The following MYH10 variants were observed in gnomAD, a reference collection of about 807,000 sequenced individuals.
MYH10 encodes myosin-10.
Under a neutral mutation model 257.8 loss-of-function variants are expected in MYH10, and 55 were observed. The ratio of observed to expected loss-of-function variants is 0.21; its 90% CI spans 0.17 to 0.27. MYH10 has a LOEUF of 0.27. MYH10 is among the 10% of genes least tolerant of loss of function. The pLI is 1.00. For missense variants in MYH10, 1,631 were observed against 2,500.6 expected (o/e 0.65, Z 7.42); for synonymous variants, 854 against 921.7 (o/e 0.93, Z 1.33).
chr17:8,512,369 T>A, intron 24 of MYH10, 82 bp downstream of exon 24: 5 of 1,162,986 alleles, frequency 4.3e-6, no homozygotes, highest in Non-Finnish European at 6.1e-6. Context: ...GACTTAAGAA[T>A]CCAAACACAT....
At chr17:8,606,259 T>G (rs765128268) in intron 2 of MYH10, among the ~76,000 whole-genome samples, 2 of 152,176 alleles carry the variant, frequency 1.3e-5, no homozygotes, top group Non-Finnish European at 2.9e-5. Flanking sequence ...GTAGACAGAA[T>G]GATTTCTGAG....
At chr17:8,593,123 A>C (rs1178684270) in intron 3 of MYH10, among the ~76,000 whole-genome samples, 1 of 151,376 alleles carries the variant, frequency 6.6e-6, no homozygotes, top group Non-Finnish European at 1.5e-5. Context: ...AAAGCGTTTG[A>C]CAAAACTTAA....
rs2082453413 is a variant in MYH10 at position 8,546,665 on chromosome 17, G to A, written c.1160-3C>T. ...AAGATGGCAGAGCTTCTGCGCAACTGAAGTGTAAAAAGTCTCCTAAATCCT... is the reference window on the plus strand; with the variant it reads ...AAGATGGCAGAGCTTCTGCGCAACTAAAGTGTAAAAAGTCTCCTAAATCCT... On this transcript the variant is annotated splice_region_variant and splice_polypyrimidine_tract_variant and intron_variant, in intron 11 of 42. Coordinates refer to ENST00000360416, the MANE Select transcript of MYH10 (RefSeq NM_001256012.3). 2 of 1,611,224 alleles carry A rather than the reference G, an allele frequency of 1.2e-6. No homozygotes were observed. Among genetic ancestry groups the A allele is most frequent in the South Asian group, 1.1e-5 (1 of 90,820 alleles).
intron 4 of MYH10, among the ~76,000 whole-genome samples, chr17:8,579,733 G>A (rs919607737): frequency 4.6e-5 from 7 of 152,040 alleles, no homozygotes; most frequent in Non-Finnish European, 8.8e-5. Context: ...AGGCCTTTCT[G>A]GCAACCAAGA....
At chr17:8,602,864 A>C (rs1450416239) in intron 3 of MYH10, among the ~76,000 whole-genome samples, 1 of 152,226 alleles carries the variant, frequency 6.6e-6, no homozygotes, top group Non-Finnish European at 1.5e-5. Context: ...TCATTAACTA[A>C]ATAAGACACA....
chr17:8,604,943 T>C lies in MYH10; in HGVS notation c.385A>G (p.Lys129Glu). Residue 129 changes from lysine to glutamate, a missense_variant, in exon 3 of 43, where the codon AAG (lysine) becomes GAG (glutamate). By Grantham distance (56) the Lys-to-Glu change is moderately conservative (BLOSUM62 1). Around this residue, in one of 11 missense-constraint regions of MYH10, gnomAD observed 360 missense variants for 581.9 expected, o/e 0.62. Coordinates refer to ENST00000360416, the MANE Select transcript of MYH10 (RefSeq NM_001256012.3). ...TTCTCAGAGTAAATTGGAAGATTCT[T>C]GTAAGGGTTTATAACTACACAGAAG... ...GLFCVVINPY[K>E]NLPIYSENII... 1 of 1,573,372 alleles carries C rather than the reference T, an allele frequency of 6.4e-7. No individual in the cohort carries two copies. Among genetic ancestry groups the C allele is most frequent in the Non-Finnish European group, 8.7e-7 (1 of 1,146,204 alleles).
intron 7 of MYH10, among the ~76,000 whole-genome samples, chr17:8,563,444 A>G (rs1189115313): frequency 6.6e-6 from 1 of 152,242 alleles, no homozygotes; most frequent in Non-Finnish European, 1.5e-5. Context: ...AGAAAGATAT[A>G]TATAGACCCT....
chr17:8,518,104 C>CGTGTGTGTGTGT lies in MYH10; in HGVS notation c.2504+515_2504+526dup, dbSNP rs58352961. Among the ~76,000 whole-genome samples, 258 of 116,566 alleles carry CGTGTGTGTGTGT rather than the reference C, an allele frequency of 2.2e-3. 3 individuals carry two copies. Among genetic ancestry groups the CGTGTGTGTGTGT allele is most frequent in the African/African-American group, 5.5e-3 (160 of 29,220 alleles). 76.5% of individuals were successfully genotyped at this position (116,566 alleles called of 152,430 possible). Reference sequence around the variant, plus strand: ...GGCAGGACCCCATACCCCTTGGCCCCGTGTGTGTGTGTGTGTGTGTGTGTG... The same window carrying CGTGTGTGTGTGT: ...GGCAGGACCCCATACCCCTTGGCCCCGTGTGTGTGTGTGTGTGTGTGTGTGTGTGTGTGTGTG... On this transcript the variant is annotated intron_variant, in intron 21 of 42. Transcript: ENST00000360416.
intron 4 of MYH10, among the ~76,000 whole-genome samples, chr17:8,582,846 T>C (rs1382000617): frequency 6.6e-6 from 1 of 152,268 alleles, no homozygotes; most frequent in Non-Finnish European, 1.5e-5. Context: ...GGTAAAAATA[T>C]TGGTATTTTA....
chr17:8,557,839 C>T lies in MYH10; in HGVS notation c.757-3821G>A, dbSNP rs139220922. ...GTCTAACACACGTGACAGTGAAAGT[C>T]GACAATGTAATAAAAGATATGAATT... On this transcript the variant is annotated intron_variant, in intron 7 of 42. Transcript: ENST00000360416. Among the ~76,000 whole-genome samples, 933 of 152,204 alleles carry T rather than the reference C, an allele frequency of 6.1e-3. 15 individuals are homozygous for T. The highest frequency in any genetic ancestry group is 0.02 in the African/African-American group (836 of 41,524).
At chr17:8,588,986 T>G in intron 4 of MYH10, 95 bp downstream of exon 4, 1 of 1,155,240 alleles carries the variant, frequency 8.7e-7, no homozygotes, top group African/African-American at 1.5e-5. Context: ...CTCTTAAAAA[T>G]TACTGCTCTA....
Position 8,545,308 on chromosome 17 carries a change from C to T in MYH10, c.1431+140G>A. ...ACCTGCGGATTCACTGATTATTTGCCATTTATTGTTTGGCTCTACTAGAAT... is the reference window on the plus strand; with the variant it reads ...ACCTGCGGATTCACTGATTATTTGCTATTTATTGTTTGGCTCTACTAGAAT... On this transcript the variant is annotated intron_variant, in intron 13 of 42. Coordinates refer to ENST00000360416, the MANE Select transcript of MYH10 (RefSeq NM_001256012.3). This position sits in a 1 kb window ranked among gnomAD's most constrained non-coding sequence, Gnocchi z 4.7. The T allele has an allele frequency of 1.1e-6, 1 of 896,968 alleles. No homozygotes were observed. 55.6% of individuals were successfully genotyped at this position (896,968 alleles called of 1,614,324 possible).
chr17:8,475,832 T>C lies in MYH10; in HGVS notation c.5996A>G (p.Asn1999Ser), dbSNP rs1487161756. 2 of 1,614,082 alleles carry C rather than the reference T, an allele frequency of 1.2e-6. No homozygotes were observed. The highest frequency in any genetic ancestry group is 1.7e-6 in the Non-Finnish European group (2 of 1,180,044). Reference sequence around the variant, plus strand: ...CTCTGACTGGGGTGGCTGCGTCTCGTTGACATCACTGGTCTTACTTTCTGT... The same window carrying C: ...CTCTGACTGGGGTGGCTGCGTCTCGCTGACATCACTGGTCTTACTTTCTGT... ...DDTESKTSDV[N>S]ETQPPQSE The change falls in exon 43 of 43, where the codon AAC becomes AGC. Residue 1999 changes from asparagine (N) to serine (S), a missense_variant. Coordinates refer to ENST00000360416, the MANE Select transcript of MYH10 (RefSeq NM_001256012.3).
chr17:8,480,326 G>A lies in MYH10; in HGVS notation c.5389-8C>T. On this transcript the variant is annotated splice_region_variant and splice_polypyrimidine_tract_variant and intron_variant, in intron 39 of 42. Coordinates refer to ENST00000360416, the MANE Select transcript of MYH10 (RefSeq NM_001256012.3). ...GGCGTTCAGTGTGTCCACCTAGAGA[G>A]GAGAGAGGAGTTTAGTCACTTGTGC... 6.2e-7 allele frequency: 1 copy of A among 1,613,812 alleles called. No individual in the cohort carries two copies. The highest frequency in any genetic ancestry group is 8.5e-7 in the Non-Finnish European group (1 of 1,179,830).
At position 8,569,662 on chromosome 17, in the gene MYH10, A is replaced by T. The variant is rs1240831658; in HGVS notation, c.756+58T>A. On this transcript the variant is annotated intron_variant, in intron 7 of 42. Coordinates refer to ENST00000360416, the MANE Select transcript of MYH10 (RefSeq NM_001256012.3). The surrounding 1 kb of genome is among the most constrained non-coding windows in gnomAD (Gnocchi z 4.1). ...AAAAGTAATTCATTTGCTTAATCACAGTAAACATTTAACTAGAAATCTAAG... is the reference window on the plus strand; with the variant it reads ...AAAAGTAATTCATTTGCTTAATCACTGTAAACATTTAACTAGAAATCTAAG... The T allele has an allele frequency of 1.6e-6, 2 of 1,229,590 alleles. No homozygotes were observed. The highest frequency in any genetic ancestry group is 3.1e-5 in the African/African-American group (2 of 65,498). The allele number at this position is 1,229,590 out of a possible 1,614,324, so 76.2% of individuals were successfully genotyped here. A position where few individuals can be genotyped will look rare whatever the true frequency, so the allele number is the denominator to read the frequency against.
chr17:8,493,991 T>C (rs1243679630), intron 31 of MYH10, 106 bp from the exon 32 acceptor site: 7 of 1,280,742 alleles, frequency 5.5e-6, no homozygotes, highest in Non-Finnish European at 7.5e-6. Flanking sequence ...CCTCAATGCA[T>C]GAGAACGCCC....
chr17:8,486,308 G>A (rs115652230), intron 36 of MYH10, among the ~76,000 whole-genome samples: 1 of 152,160 alleles, frequency 6.6e-6, no homozygotes, highest in African/African-American at 2.4e-5. Flanking sequence ...ACACTAAACT[G>A]GCGAATTGTG....
intron 10 of MYH10, 48 bp downstream of exon 10, chr17:8,548,596 T>G (rs773669629): frequency 1.9e-6 from 3 of 1,598,162 alleles, no homozygotes; most frequent in Non-Finnish European, 2.6e-6. Flanking sequence ...CCCAGATGTA[T>G]AAGTCTTAGG....
At chr17:8,562,477 C>A (rs77316566) in intron 7 of MYH10, among the ~76,000 whole-genome samples, 1 of 152,182 alleles carries the variant, frequency 6.6e-6, no homozygotes, top group African/African-American at 2.4e-5. Flanking sequence ...TTGGAAAATA[C>A]GAGTTTTACT....
Sources: allele counts gnomAD v4.1 joint callset (sites outside exome capture counted in the v4.1 genomes callset), GRCh38; gene constraint gnomAD v4.1.1; regional missense constraint gnomAD v4.1.1; non-coding constraint Gnocchi (gnomAD v3.1); transcripts MANE v1.5; gene names NCBI Gene and HGNC (gene_info 2026-07-23, HGNC 2026-07-21).